Variants in ANO6 observed in about 807,000 individuals in gnomAD.
The protein encoded by ANO6 is anoctamin 6.
ANO6 carries 106 observed loss-of-function variants against 117.5 expected under a neutral mutation model. That is an observed-to-expected ratio of 0.90 (90% confidence interval 0.77 to 1.06). ANO6 has a LOEUF of 1.06. Among genes scored for constraint, ANO6 ranks in the 50% least tolerant of loss-of-function variants. The probability of loss-of-function intolerance (pLI) is 0.00; values close to 1 mark genes in which losing one functional copy is unlikely to be tolerated. For synonymous variants in ANO6, 367 were observed against 385.1 expected (o/e 0.95, Z 0.55); for missense variants, 955 against 1,121.1 (o/e 0.85, Z 2.12).
At position 45,348,498 on chromosome 12, in the gene ANO6, C is replaced by G; in HGVS notation, c.634-20C>G. The G allele has an allele frequency of 6.3e-7, 1 of 1,596,270 alleles. No individual in the cohort carries two copies. The highest frequency in any genetic ancestry group is 8.6e-7 in the Non-Finnish European group (1 of 1,163,948). Reference sequence around the variant, plus strand: ...AATTACACTATATAAACCGCATACTCTATTTTGGAATCTTTTTAGGTTTAC... The same window carrying G: ...AATTACACTATATAAACCGCATACTGTATTTTGGAATCTTTTTAGGTTTAC... On this transcript the variant is annotated intron_variant, in intron 5 of 19. Coordinates refer to ENST00000320560, the MANE Select transcript of ANO6 (RefSeq NM_001025356.3).
At chr12:45,423,902 C>A (rs1046471191) in intron 19 of ANO6, among the ~76,000 whole-genome samples, 11 of 152,172 alleles carry the variant, frequency 7.2e-5, no homozygotes, top group African/African-American at 2.7e-4. Context: ...AGAACTATAG[C>A]ATGTGGTTTT....
At chr12:45,369,285 C>T (rs1194475659) in intron 9 of ANO6, among the ~76,000 whole-genome samples, 1 of 152,182 alleles carries the variant, frequency 6.6e-6, no homozygotes, top group Non-Finnish European at 1.5e-5. Flanking sequence ...GGCTAAAGGG[C>T]ACTAGTTAGC....
intron 1 of ANO6, among the ~76,000 whole-genome samples, chr12:45,237,384 T>C (rs1400470785): frequency 6.6e-6 from 1 of 152,256 alleles, no homozygotes; most frequent in African/African-American, 2.4e-5. Context: ...TTAATCCATC[T>C]TGAATTAATT....
At chr12:45,360,389 A>C (rs1405440345) in intron 8 of ANO6, among the ~76,000 whole-genome samples, 1 of 152,088 alleles carries the variant, frequency 6.6e-6, no homozygotes, top group African/African-American at 2.4e-5. Context: ...CCCCTCATCA[A>C]CTCCTTTTAT....
intron 17 of ANO6, among the ~76,000 whole-genome samples, chr12:45,417,876 C>G (rs1943253728): frequency 1.3e-5 from 2 of 152,198 alleles, no homozygotes; most frequent in African/African-American, 2.4e-5. Context: ...GCTCTAGAGT[C>G]AGGTAGACCC....
chr12:45,408,984 C>G (rs113590866), intron 15 of ANO6, among the ~76,000 whole-genome samples: 38 of 152,210 alleles, frequency 2.5e-4, no homozygotes, highest in Non-Finnish European at 1.5e-5. Flanking sequence ...CACCAGCTCA[C>G]ATACTCTACC....
At chr12:45,370,673 G>A (rs958415305) in intron 9 of ANO6, among the ~76,000 whole-genome samples, 1 of 152,162 alleles carries the variant, frequency 6.6e-6, no homozygotes, top group Non-Finnish European at 1.5e-5. Context: ...TAAAGGATAA[G>A]GCATAACATT....
At chr12:45,288,205 G>A (rs1352371189) in intron 1 of ANO6, among the ~76,000 whole-genome samples, 2 of 152,274 alleles carry the variant, frequency 1.3e-5, no homozygotes, top group Non-Finnish European at 2.9e-5. Flanking sequence ...TTTTTTTAAA[G>A]CTACACTTTT....
chr12:45,228,098 C>T, intron 1 of ANO6: 1 of 397,114 alleles, frequency 2.5e-6, no homozygotes, highest in Non-Finnish European at 4.9e-6. Flanking sequence ...TGTGGCCTAT[C>T]CTATTCTCCT....
intron 1 of ANO6, among the ~76,000 whole-genome samples, chr12:45,250,108 A>G (rs1178747456): frequency 1.3e-5 from 2 of 152,198 alleles, no homozygotes; most frequent in Non-Finnish European, 2.9e-5. Context: ...TACTAGAGAT[A>G]ATAAATGGTC....
chr12:45,273,611 A>T (rs1425309540), intron 1 of ANO6, among the ~76,000 whole-genome samples: 6 of 152,170 alleles, frequency 3.9e-5, no homozygotes, highest in Non-Finnish European at 8.8e-5. Flanking sequence ...TTTTCTTCTC[A>T]CATGCTGTGA....
At chr12:45,420,088 C>A (rs1186723804) in intron 17 of ANO6, among the ~76,000 whole-genome samples, 1 of 151,572 alleles carries the variant, frequency 6.6e-6, no homozygotes, top group Non-Finnish European at 1.5e-5. Context: ...TTAATAAATG[C>A]TCACACTCTA....
intron 4 of ANO6, 101 bp from the exon 5 acceptor site, chr12:45,347,926 AT>A (rs1236672611): frequency 8.8e-7 from 1 of 1,136,024 alleles, no homozygotes; most frequent in Admixed American, 2.0e-5. Context: ...TGGTCTCTGT[AT>A]TGTTTTTTTA....
intron 1 of ANO6, among the ~76,000 whole-genome samples, chr12:45,274,166 C>T (rs773214586): frequency 1.3e-5 from 2 of 152,200 alleles, no homozygotes; most frequent in African/African-American, 2.4e-5. Flanking sequence ...CATCTCCACT[C>T]CTTAGGTGAT....
At chr12:45,332,483 G>T (rs1298916541) in intron 3 of ANO6, among the ~76,000 whole-genome samples, 1 of 151,918 alleles carries the variant, frequency 6.6e-6, no homozygotes, top group Non-Finnish European at 1.5e-5. Flanking sequence ...TTTCAGAGGG[G>T]GTTAAGTTTG....
At chr12:45,251,159 G>C (rs565381818) in intron 1 of ANO6, among the ~76,000 whole-genome samples, 1 of 152,246 alleles carries the variant, frequency 6.6e-6, no homozygotes, top group African/African-American at 2.4e-5. Flanking sequence ...TGAAAGAACA[G>C]AGCTGGGACC....
chr12:45,332,550 C>G (rs1422915546), intron 3 of ANO6, among the ~76,000 whole-genome samples: 1 of 152,048 alleles, frequency 6.6e-6, no homozygotes, highest in Non-Finnish European at 1.5e-5. Flanking sequence ...AACTGACCTT[C>G]AAGTTCTAAT....
intron 12 of ANO6, among the ~76,000 whole-genome samples, chr12:45,393,909 C>T (rs560549494): frequency 8.5e-5 from 13 of 152,246 alleles, no homozygotes; most frequent in African/African-American, 1.7e-4. Flanking sequence ...TTGTAAAGAC[C>T]GTCGATCCTA....
chr12:45,366,538 C>T (rs965772090), intron 8 of ANO6, among the ~76,000 whole-genome samples: 1 of 152,122 alleles, frequency 6.6e-6, no homozygotes, highest in Non-Finnish European at 1.5e-5. Context: ...TGGTATAAAT[C>T]AGTTTTTATA....
Sources: allele counts gnomAD v4.1 joint callset (sites outside exome capture counted in the v4.1 genomes callset), GRCh38; gene constraint gnomAD v4.1.1; transcripts MANE v1.5; gene names NCBI Gene and HGNC (gene_info 2026-07-23, HGNC 2026-07-21).